NOD2: variants seen among roughly 807,000 people sequenced by gnomAD.
The protein encoded by NOD2 is nucleotide binding oligomerization domain containing 2.
In NOD2, 86 loss-of-function variants were observed where a neutral mutation model predicts 90.9. That is an observed-to-expected ratio of 0.95 (90% CI 0.79 to 1.13). The LOEUF is 1.13. NOD2 is among the 50% of genes most tolerant of loss of function. NOD2 has a pLI of 0.00. For synonymous variants in NOD2, 581 were observed against 554.6 expected, an observed-to-expected ratio of 1.05 and a Z score of -0.67; for missense variants, 1,238 against 1,283.8, an observed-to-expected ratio of 0.96 and a Z score of 0.55.
intron 6 of NOD2, chr16:50,719,723 C>T (rs1393094251): frequency 1.4e-5 from 10 of 696,772 alleles, no homozygotes; most frequent in Non-Finnish European, 2.6e-5. Flanking sequence ...GTCCCGCTGC[C>T]CCTTTCCCTT....
Position 50,720,263 on chromosome 16 carries a change from C to T in NOD2, c.2633+255C>T, listed in dbSNP as rs369098015. The stretch of plus-strand genomic sequence containing the variant: ...AGCTGGTGACAGGAAGCCCTCTGAT[C>T]CTCAGGGGGCGCTAGGGCTGTACTT... On this transcript the variant is annotated intron_variant, in intron 7 of 11. Coordinates refer to ENST00000647318, the MANE Select transcript of NOD2 (RefSeq NM_001370466.1). Among the ~76,000 whole-genome samples the T allele has an allele frequency of 5.2e-4, 79 of 152,264 alleles. No individual in the cohort carries two copies. In the East Asian group the frequency reaches 0.013, roughly 25 times the overall value.
chr16:50,693,978 T>A (rs1047880215), intron 1 of NOD2, among the ~76,000 whole-genome samples: 1 of 152,134 alleles, frequency 6.6e-6, no homozygotes, highest in Admixed American at 6.5e-5. Context: ...AGGATCCTGC[T>A]GCTGCTCTCT....
chr16:50,717,403 A>G (rs1298542206), intron 6 of NOD2, among the ~76,000 whole-genome samples: 1 of 152,198 alleles, frequency 6.6e-6, no homozygotes, highest in Non-Finnish European at 1.5e-5. Context: ...CAAGGTTTGC[A>G]GTCCATCTGG....
Position 50,711,316 on chromosome 16 carries a change from C to G in NOD2, c.1324C>G (p.Leu442Val). The G allele has an allele frequency of 6.2e-7, 1 of 1,613,700 alleles. No individual in the cohort carries two copies. Among genetic ancestry groups the G allele is most frequent in the Non-Finnish European group, 8.5e-7 (1 of 1,180,032 alleles). Residue 442 changes from leucine to valine, a missense_variant, in exon 4 of 12, where the codon CTC (leucine) becomes GTC (valine). Coordinates refer to ENST00000647318, the MANE Select transcript of NOD2 (RefSeq NM_001370466.1). ...TCATGAGCCCGGGGTGGCGGACCGC[C>G]TCATCCGCCTGCTCCAAGAGACCTC... Reference protein sequence around the residue: ...RHHEPGVADRLIRLLQETSAL... With the variant: ...RHHEPGVADRVIRLLQETSAL...
At chr16:50,726,574 C>T (rs984531626) in intron 10 of NOD2, among the ~76,000 whole-genome samples, 3 of 152,146 alleles carry the variant, frequency 2.0e-5, no homozygotes, top group African/African-American at 7.2e-5. Flanking sequence ...CACTGAGGGT[C>T]GGCCTTTGGG....
Position 50,732,942 on chromosome 16 carries a change from T to C in NOD2, c.*1123T>C, listed in dbSNP as rs1965505932. On this transcript the variant is annotated 3_prime_UTR_variant, in exon 12 of 12. Transcript: ENST00000647318. ...TGTGCAAATGTTATTATTTTAAACA[T>C]TATGATGTGTGAAAACTGGTTAATA... The C allele has an allele frequency of 6.6e-6, 1 of 152,412 alleles. No individual in the cohort carries two copies. Among genetic ancestry groups the C allele is most frequent in the Non-Finnish European group, 1.5e-5 (1 of 68,054 alleles). 9.4% of individuals were successfully genotyped at this position (152,412 alleles called of 1,614,324 possible). A position where few individuals can be genotyped will look rare whatever the true frequency, so the allele number is the denominator to read the frequency against.
chr16:50,721,437 A>G (rs1965056858), intron 7 of NOD2, among the ~76,000 whole-genome samples: 1 of 141,924 alleles, frequency 7.0e-6, no homozygotes, highest in Non-Finnish European at 1.5e-5. Context: ...GCCATATATT[A>G]TAGGAATTTT....
rs750096604 is a variant in NOD2, at chr16:50,712,019, G to T, written c.2027G>T (p.Arg676Leu). 2.5e-6 allele frequency: 4 copies of T among 1,612,994 alleles called. No individual in the cohort carries two copies. The highest frequency in any genetic ancestry group is 3.4e-6 in the Non-Finnish European group (4 of 1,179,892). The part of the protein sequence containing the change: ...CQTSEKALLR[R>L]QACARWCLAR... ...ACATCTGAGAAGGCCCTGCTCCGGCGCCAGGCCTGTGCCCGCTGGTGTCTG... is the reference window on the plus strand; with the variant it reads ...ACATCTGAGAAGGCCCTGCTCCGGCTCCAGGCCTGTGCCCGCTGGTGTCTG... The change falls in exon 4 of 12, where the codon CGC (arginine) becomes CTC (leucine). Residue 676 changes from arginine to leucine, a missense_variant. Coordinates refer to ENST00000647318, the MANE Select transcript of NOD2 (RefSeq NM_001370466.1).
At position 50,710,948 on chromosome 16, in the gene NOD2, G is replaced by C. The variant is rs759520552; in HGVS notation, c.956G>C (p.Arg319Pro). 6.2e-7 allele frequency: 1 copy of C among 1,614,168 alleles called. No individual in the cohort carries two copies. Among genetic ancestry groups the C allele is most frequent in the Non-Finnish European group, 8.5e-7 (1 of 1,180,048 alleles). Residue 319 changes from arginine (R) to proline (P), a missense_variant, in exon 4 of 12, where the codon CGG becomes CCG. By Grantham distance (103) the Arg-to-Pro change is moderately radical. Transcript: ENST00000647318. ...TGCATGGCCAAACCACTCTCTGTGC[G>C]GACTCTACTCTTTGAGCACTGCTGT... Reference protein sequence around the residue: ...LQCMAKPLSVRTLLFEHCCWP... With the variant: ...LQCMAKPLSVPTLLFEHCCWP...
chr16:50,718,630 T>G (rs1452657749), intron 6 of NOD2, among the ~76,000 whole-genome samples: 1 of 152,200 alleles, frequency 6.6e-6, no homozygotes, highest in Non-Finnish European at 1.5e-5. Context: ...GAACCCTCAT[T>G]AGCTGCGTGA....
chr16:50,697,153 G>C lies in NOD2; in HGVS notation c.-8-2335G>C, dbSNP rs199475910. Reference sequence around the variant, plus strand: ...AGGTGGGGTTGGTAGACAGATCCAGGCTCACCAGTCCTGTGCCACTGGGCT... The same window carrying C: ...AGGTGGGGTTGGTAGACAGATCCAGCCTCACCAGTCCTGTGCCACTGGGCT... On this transcript the variant is annotated intron_variant, in intron 1 of 11. Coordinates refer to ENST00000647318, the MANE Select transcript of NOD2 (RefSeq NM_001370466.1). The C allele has an allele frequency of 2.6e-4, 287 of 1,114,068 alleles. 1 individual carries two copies. The African/African-American group carries it at 3.8e-3, about 15-fold the overall frequency. The allele number at this position is 1,114,068 out of a possible 1,614,324, so 69.0% of individuals were successfully genotyped here.
In NOD2 at chr16:50,716,592, G is replaced by A. The variant is rs768930237; in HGVS notation, c.2387G>A (p.Arg796His). The change falls in exon 5 of 12, where the codon CGC (arginine) becomes CAC (histidine). Residue 796 changes from arginine (R) to histidine (H), a missense_variant. Around this residue, in one of 3 missense-constraint regions of NOD2, gnomAD observed 667 missense variants for 688.7 expected, o/e 0.97. Coordinates refer to ENST00000647318, the MANE Select transcript of NOD2 (RefSeq NM_001370466.1). The stretch of plus-strand genomic sequence containing the variant: ...TATTTATTTTGTCTCTTTAGTTTGC[G>A]CGATAACAATATCTCAGACCGAGGC... ...CLGVCKALYL[R>H]DNNISDRGIC... 31 of 1,613,852 alleles carry A rather than the reference G, an allele frequency of 1.9e-5. No individual in the cohort carries two copies. The highest frequency in any genetic ancestry group is 8.3e-5 in the Admixed American group (5 of 60,018).
intron 1 of NOD2, among the ~76,000 whole-genome samples, chr16:50,698,504 G>T (rs1963767618): frequency 6.6e-6 from 1 of 152,206 alleles, no homozygotes; most frequent in African/African-American, 2.4e-5. Flanking sequence ...AATATTCTGA[G>T]TCTACCCCTT....
chr16:50,709,245 G>A (rs972275791), intron 3 of NOD2, among the ~76,000 whole-genome samples: 2 of 152,196 alleles, frequency 1.3e-5, no homozygotes, highest in African/African-American at 2.4e-5. Flanking sequence ...GGGAACAGAG[G>A]TGACATAAAC....
Position 50,722,718 on chromosome 16 carries a change from G to A in NOD2, c.2717+13G>A, listed in dbSNP as rs1338572237. 5.0e-6 allele frequency: 8 copies of A among 1,613,370 alleles called. No homozygotes were observed. Among genetic ancestry groups the A allele is most frequent in the Non-Finnish European group, 2.5e-6 (3 of 1,179,326 alleles). On this transcript the variant is annotated intron_variant, in intron 8 of 11. Transcript: ENST00000647318. ...TGAGGTGGCTCAGGTAAGCTTCAGA[G>A]TCTATCCTGCAGTTTTCTTGGGGAG...
chr16:50,729,747 C>G, intron 10 of NOD2, 71 bp from the exon 11 acceptor site: 1 of 1,335,162 alleles, frequency 7.5e-7, no homozygotes. Flanking sequence ...CTCCTGCAGT[C>G]TCTTTAACTG....
intron 2 of NOD2, among the ~76,000 whole-genome samples, chr16:50,704,283 C>T (rs1425633240): frequency 1.3e-5 from 2 of 152,196 alleles, no homozygotes; most frequent in Admixed American, 6.5e-5. Context: ...CTCCTGTATC[C>T]TGAATCCTAT....
chr16:50,698,496 T>C (rs1016977699), intron 1 of NOD2, among the ~76,000 whole-genome samples: 6 of 152,186 alleles, frequency 3.9e-5, no homozygotes, highest in Non-Finnish European at 8.8e-5. Flanking sequence ...TTTAGAGCAA[T>C]ATTCTGAGTC....
intron 11 of NOD2, among the ~76,000 whole-genome samples, chr16:50,731,384 G>A (rs947672680): frequency 3.9e-5 from 6 of 152,124 alleles, no homozygotes. Flanking sequence ...TATTTTAAGG[G>A]GTCTGATGTT....
Sources: gnomAD v4.1 joint callset for allele counts (sites outside exome capture counted in the v4.1 genomes callset) on GRCh38, gnomAD v4.1.1 for gene constraint, gnomAD v4.1.1 regional missense constraint, MANE v1.5 for transcripts, NCBI Gene and HGNC (gene_info 2026-07-23, HGNC 2026-07-21) for gene names.